DLGAP2: variants seen among roughly 807,000 people sequenced by gnomAD.
The protein encoded by DLGAP2 is DLG associated protein 2.
A neutral mutation model predicts 100.3 loss-of-function variants in DLGAP2; 26 were observed. That is an observed-to-expected ratio of 0.26 (90% CI 0.19 to 0.36). The LOEUF (loss-of-function observed/expected upper bound fraction) is 0.36. Among genes scored for constraint, DLGAP2 ranks in the 10% least tolerant of loss-of-function variants. The probability of loss-of-function intolerance (pLI) is 1.00; values close to 1 mark genes in which losing one functional copy is unlikely to be tolerated. For missense variants in DLGAP2, 1,858 were observed against 1,453.2 expected (o/e 1.28, Z -4.53); for synonymous variants, 886 against 630.1 (o/e 1.41, Z -6.08).
chr8:1,315,240 C>G (rs1356748229), intron 3 of DLGAP2, among the ~76,000 whole-genome samples: 1 of 152,018 alleles, frequency 6.6e-6, no homozygotes, highest in Non-Finnish European at 1.5e-5. Flanking sequence ...CAGTGTCTCT[C>G]CAGCAGTGGT....
chr8:1,266,147 T>C (rs1007110355), intron 3 of DLGAP2, among the ~76,000 whole-genome samples: 1 of 152,216 alleles, frequency 6.6e-6, no homozygotes, highest in Admixed American at 6.5e-5. Context: ...AAGGGAGGTT[T>C]CCCTGGCCCC....
intron 3 of DLGAP2, among the ~76,000 whole-genome samples, chr8:1,458,980 T>A (rs567633670): frequency 1.3e-5 from 2 of 152,098 alleles, no homozygotes; most frequent in East Asian, 3.9e-4. Flanking sequence ...TTTACATGCA[T>A]CTACCCGAGG....
At chr8:1,080,924 A>C (rs149188604) in intron 2 of DLGAP2, among the ~76,000 whole-genome samples, 21 of 152,330 alleles carry the variant, frequency 1.4e-4, no homozygotes, top group African/African-American at 5.1e-4. Flanking sequence ...TCTAGCACTA[A>C]AATATTTTTG....
chr8:757,556 C>T (rs1820952727), intron 1 of DLGAP2, among the ~76,000 whole-genome samples: 3 of 152,150 alleles, frequency 2.0e-5, no homozygotes, highest in African/African-American at 7.2e-5. Flanking sequence ...TCCATTTGGA[C>T]CCGGCCATAC....
chr8:1,221,055 T>G (rs1413860239), intron 2 of DLGAP2, among the ~76,000 whole-genome samples: 1 of 152,238 alleles, frequency 6.6e-6, no homozygotes, highest in African/African-American at 2.4e-5. Flanking sequence ...TTTCTTCAGC[T>G]TTCCACTCTT....
intron 3 of DLGAP2, among the ~76,000 whole-genome samples, chr8:1,467,683 G>A (rs115435690): frequency 0.021 from 3,252 of 152,176 alleles, 69 homozygotes; most frequent in African/African-American, 0.049. Context: ...ACAGAACCAC[G>A]GCAACGTCCC....
At chr8:1,214,527 A>T (rs550511789) in intron 2 of DLGAP2, among the ~76,000 whole-genome samples, 33 of 152,202 alleles carry the variant, frequency 2.2e-4, no homozygotes, top group Non-Finnish European at 4.1e-4. Flanking sequence ...GTAATACCCT[A>T]ACCCGGAAGT....
chr8:1,497,076 C>A (rs1423608258), intron 3 of DLGAP2, among the ~76,000 whole-genome samples: 1 of 152,186 alleles, frequency 6.6e-6, no homozygotes, highest in Non-Finnish European at 1.5e-5. Flanking sequence ...TCCTAAAGTA[C>A]GTTCTGCCAG....
Position 1,188,743 on chromosome 8 carries a change from A to C in DLGAP2, c.74-70108A>C, listed in dbSNP as rs1797570755. 2.0e-5 allele frequency among the ~76,000 whole-genome samples: 3 copies of C among 152,216 alleles called. 1 individual carries two copies. In the South Asian group the frequency reaches 6.2e-4, roughly 31 times the overall value. ...AGTAATCATGAGTACAGAGTCTGAG[A>C]TGTCAGCGTCTGGAAAGACATTTCC... On this transcript the variant is annotated intron_variant, in intron 2 of 14. Coordinates refer to ENST00000637795, the MANE Select transcript of DLGAP2 (RefSeq NM_001346810.2).
At chr8:1,502,228 C>G (rs935199156) in intron 4 of DLGAP2, among the ~76,000 whole-genome samples, 1 of 152,234 alleles carries the variant, frequency 6.6e-6, no homozygotes, top group African/African-American at 2.4e-5. Flanking sequence ...TCTCAAGCCA[C>G]TGACAGCTGT....
chr8:934,976 A>C (rs1162422215), intron 2 of DLGAP2, among the ~76,000 whole-genome samples: 2 of 151,936 alleles, frequency 1.3e-5, no homozygotes, highest in African/African-American at 4.8e-5. Flanking sequence ...GCGTTTCCAA[A>C]CCCTCTGAGT....
intron 2 of DLGAP2, among the ~76,000 whole-genome samples, chr8:1,196,213 C>A (rs1331639145): frequency 1.3e-5 from 2 of 152,200 alleles, no homozygotes; most frequent in African/African-American, 4.8e-5. Context: ...GTAAAATATC[C>A]TTCAATTCTT....
chr8:864,365 T>A (rs979210069), intron 1 of DLGAP2, among the ~76,000 whole-genome samples: 54 of 152,096 alleles, frequency 3.6e-4, no homozygotes, highest in African/African-American at 1.2e-3. Flanking sequence ...ACGATGAAAG[T>A]AGGAGATGAT....
chr8:875,575 T>C (rs958807027), intron 1 of DLGAP2, among the ~76,000 whole-genome samples: 2 of 152,206 alleles, frequency 1.3e-5, no homozygotes, highest in African/African-American at 4.8e-5. Flanking sequence ...TAAGTTTCCT[T>C]GGGCCTCCCT....
intron 2 of DLGAP2, among the ~76,000 whole-genome samples, chr8:1,154,381 C>T (rs1200253880): frequency 6.6e-6 from 1 of 151,998 alleles, no homozygotes; most frequent in Non-Finnish European, 1.5e-5. Flanking sequence ...ACGAATACAT[C>T]GAGACACGAT....
At chr8:1,375,034 T>G (rs1258073347) in intron 3 of DLGAP2, among the ~76,000 whole-genome samples, 1 of 152,232 alleles carries the variant, frequency 6.6e-6, no homozygotes, top group African/African-American at 2.4e-5. Context: ...AGCATGCTAC[T>G]GAGGTGCTGT....
Position 1,512,151 on chromosome 8 carries a change from G to T in DLGAP2, c.172+10720G>T, listed in dbSNP as rs541869238. On this transcript the variant is annotated intron_variant, in intron 4 of 14. Coordinates refer to ENST00000637795, the MANE Select transcript of DLGAP2 (RefSeq NM_001346810.2). ...TCCACAGTTCAGTGGGAGAAGCCCT[G>T]CTGGGAACAGCTGGGTTAGAGTGCA... is the stretch of plus-strand genomic sequence containing the variant. Among the ~76,000 whole-genome samples, 289 of 152,342 alleles carry T rather than the reference G, an allele frequency of 1.9e-3. 1 individual carries two copies. The highest frequency in any genetic ancestry group is 3.4e-3 in the Non-Finnish European group (230 of 68,034).
At chr8:1,587,746 T>G (rs1198160429) in intron 6 of DLGAP2, among the ~76,000 whole-genome samples, 1 of 152,190 alleles carries the variant, frequency 6.6e-6, no homozygotes, top group East Asian at 1.9e-4. Flanking sequence ...TTTTATAATG[T>G]GTAAAATTAT....
Position 1,327,952 on chromosome 8 carries a change from G to A in DLGAP2, c.106+69069G>A, listed in dbSNP as rs368676834. ...CTGTACAAGACCACAGGGATTGCTG[G>A]TTTGTGTCTTTGGGCCCTGGAGGCA... is the stretch of plus-strand genomic sequence containing the variant. On this transcript the variant is annotated intron_variant, in intron 3 of 14. Coordinates refer to ENST00000637795, the MANE Select transcript of DLGAP2 (RefSeq NM_001346810.2). 8.5e-5 allele frequency among the ~76,000 whole-genome samples: 13 copies of A among 152,310 alleles called. No individual in the cohort carries two copies. The East Asian group carries it at 2.3e-3, about 27-fold the overall frequency.
Sources: allele counts gnomAD v4.1 joint callset (sites outside exome capture counted in the v4.1 genomes callset), GRCh38; gene constraint gnomAD v4.1.1; transcripts MANE v1.5; gene names NCBI Gene and HGNC (gene_info 2026-07-23, HGNC 2026-07-21).